CALN1: variants seen among roughly 807,000 people sequenced by gnomAD.
CALN1 encodes the protein calneuron 1, also known as calcium-binding protein 8.
In CALN1, 17 loss-of-function variants were observed where a neutral mutation model predicts 30.6. That is an observed-to-expected ratio of 0.56 (90% CI 0.38 to 0.83). The LOEUF is 0.83. CALN1 is among the 40% of genes least tolerant of loss of function. CALN1 has a pLI of 0.00. For missense variants in CALN1, 291 were observed against 354.9 expected, an observed-to-expected ratio of 0.82 and a Z score of 1.45; for synonymous variants, 156 against 131.4, an observed-to-expected ratio of 1.19 and a Z score of -1.28.
intron 2 of CALN1, among the ~76,000 whole-genome samples, chr7:72,375,205 G>C (rs1004253761): frequency 6.6e-6 from 1 of 151,968 alleles, no homozygotes; most frequent in African/African-American, 2.4e-5. Flanking sequence ...CTTTTCTCAC[G>C]GTCTCAAAAA....
intron 3 of CALN1, among the ~76,000 whole-genome samples, chr7:72,189,908 A>C (rs1161236404): frequency 6.6e-6 from 1 of 152,178 alleles, no homozygotes; most frequent in Non-Finnish European, 1.5e-5. Context: ...TTGAATGCAT[A>C]TAGCCGAATT....
At chr7:72,050,198 TG>T in intron 4 of CALN1, among the ~76,000 whole-genome samples, 1 of 152,284 alleles carries the variant, frequency 6.6e-6, no homozygotes, top group African/African-American at 2.4e-5. Flanking sequence ...TGTAAGATTA[TG>T]CCACTAATTG....
Position 71,855,732 on chromosome 7 carries a change from CTTACT to C in CALN1, c.502-45245_502-45241del, listed in dbSNP as rs554944922. Reference sequence around the variant, plus strand: ...GACTCTGGTGCTGGCTACCCTATACCTTACTTATTTCCTATGCCTTCTCCAAGCCT... The same window carrying C: ...GACTCTGGTGCTGGCTACCCTATACCTATTTCCTATGCCTTCTCCAAGCCT... On this transcript the variant is annotated intron_variant, in intron 5 of 6. Transcript: ENST00000395275. 3.0e-3 allele frequency among the ~76,000 whole-genome samples: 461 copies of C among 152,224 alleles called. 1 individual carries two copies. Among genetic ancestry groups the C allele is most frequent in the African/African-American group, 0.01 (432 of 41,508 alleles).
chr7:71,884,696 A>G (rs1296396547), intron 5 of CALN1, among the ~76,000 whole-genome samples: 1 of 152,160 alleles, frequency 6.6e-6, no homozygotes, highest in Non-Finnish European at 1.5e-5. Flanking sequence ...ATTTAAACTT[A>G]TATATCATGA....
intron 1 of CALN1, among the ~76,000 whole-genome samples, chr7:72,408,370 G>A (rs552895316): frequency 1.0e-3 from 156 of 152,040 alleles, no homozygotes; most frequent in Non-Finnish European, 1.9e-3. Context: ...ACTTGAACCC[G>A]GGAGGTGGAG....
Position 72,027,818 on chromosome 7 carries a change from G to A in CALN1, c.389-4049C>T, listed in dbSNP as rs1431685379. On this transcript the variant is annotated intron_variant, in intron 4 of 6. Coordinates refer to ENST00000395275, the MANE Select transcript of CALN1 (RefSeq NM_031468.4). ...CACGCCTGTAATCCCAGCACTTTGGGAGGCCGAGGTGGGCGGATCACGAGG... is the reference window on the plus strand; with the variant it reads ...CACGCCTGTAATCCCAGCACTTTGGAAGGCCGAGGTGGGCGGATCACGAGG... Among the ~76,000 whole-genome samples the A allele has an allele frequency of 2.0e-5, 3 of 151,970 alleles. No homozygotes were observed. In the East Asian group the frequency reaches 5.8e-4, roughly 30 times the overall value.
intron 1 of CALN1, among the ~76,000 whole-genome samples, chr7:72,430,031 G>C (rs1807923421): frequency 6.6e-6 from 1 of 150,972 alleles, no homozygotes; most frequent in Non-Finnish European, 1.5e-5. Flanking sequence ...TTGTTGGCCA[G>C]GCTGGTCTCA....
At chr7:72,308,365 G>GGGT (rs1554362826) in intron 2 of CALN1, among the ~76,000 whole-genome samples, 2 of 58,418 alleles carry the variant, frequency 3.4e-5, no homozygotes, top group Non-Finnish European at 7.7e-5. Context: ...TGCTGTCTGT[G>GGGT]GGGGGGGGAG....
chr7:72,225,089 G>C (rs1313975928), intron 3 of CALN1, among the ~76,000 whole-genome samples: 1 of 150,190 alleles, frequency 6.7e-6, no homozygotes, highest in South Asian at 2.1e-4. Context: ...GTGACACAGC[G>C]AGACTCCATC....
At chr7:72,057,618 A>G (rs1265817065) in intron 4 of CALN1, among the ~76,000 whole-genome samples, 1 of 152,098 alleles carries the variant, frequency 6.6e-6, no homozygotes, top group East Asian at 1.9e-4. Flanking sequence ...AATAAACAAA[A>G]TAATTAAAAT....
rs565014277 is a variant in CALN1, at chr7:71,996,472, A to G, written c.501+27185T>C. 1.9e-3 allele frequency among the ~76,000 whole-genome samples: 295 copies of G among 152,324 alleles called. 2 individuals are homozygous for G. Among genetic ancestry groups the G allele is most frequent in the African/African-American group, 6.9e-3 (287 of 41,574 alleles). ...TGTTCAGCTCCCACCTATAAGTGAG[A>G]ACATGTGGTGTTTGGTTTTCTGTAC... On this transcript the variant is annotated intron_variant, in intron 5 of 6. Coordinates refer to ENST00000395275, the MANE Select transcript of CALN1 (RefSeq NM_031468.4).
At chr7:72,453,306 GGA>G in the CALN1 span, among the ~76,000 whole-genome samples, 2 of 152,222 alleles carry the variant, frequency 1.3e-5, no homozygotes, top group Non-Finnish European at 2.9e-5. Flanking sequence ...CACAGTGTGT[GGA>G]GAGTATCAGC....
intron 2 of CALN1, among the ~76,000 whole-genome samples, chr7:72,354,756 G>T (rs1803124814): frequency 6.6e-6 from 1 of 152,066 alleles, no homozygotes; most frequent in Non-Finnish European, 1.5e-5. Context: ...GGAAATAAAT[G>T]AACTTTGATA....
At chr7:71,877,725 T>C (rs1366729341) in intron 5 of CALN1, among the ~76,000 whole-genome samples, 3 of 152,202 alleles carry the variant, frequency 2.0e-5, no homozygotes, top group Admixed American at 6.5e-5. Flanking sequence ...TATCCTAATG[T>C]TAATATATAA....
intron 3 of CALN1, among the ~76,000 whole-genome samples, chr7:72,122,569 T>G (rs1808471523): frequency 6.6e-6 from 1 of 151,910 alleles, no homozygotes. Context: ...TATGAGAAAT[T>G]TAAAAAATTA....
At chr7:72,295,766 G>A (rs1160211114) in intron 2 of CALN1, among the ~76,000 whole-genome samples, 3 of 151,560 alleles carry the variant, frequency 2.0e-5, no homozygotes, top group Admixed American at 1.3e-4. Context: ...ATTTTGGGCT[G>A]AGACAATGGG....
intron 2 of CALN1, among the ~76,000 whole-genome samples, chr7:72,402,558 T>C (rs1806413240): frequency 6.6e-6 from 1 of 152,170 alleles, no homozygotes; most frequent in Admixed American, 6.5e-5. Context: ...ATCAAAATTG[T>C]GTTCTATACC....
At position 71,787,417 on chromosome 7, in the gene CALN1, T is replaced by C. The variant is rs1263107181; in HGVS notation, c.*358A>G. On this transcript the variant is annotated 3_prime_UTR_variant, in exon 7 of 7. Transcript: ENST00000395275. ...GGAGGTGACTGTGTGTTCATGCCTC[T>C]CTCTTGCTCTCTCACCATTATACCT... The C allele has an allele frequency of 4.7e-6, 1 of 210,742 alleles. No individual in the cohort carries two copies. Among genetic ancestry groups the C allele is most frequent in the Non-Finnish European group, 9.9e-6 (1 of 100,710 alleles). The allele number at this position is 210,742 out of a possible 1,614,324, so 13.1% of individuals were successfully genotyped here. A position where few individuals can be genotyped will look rare whatever the true frequency, so the allele number is the denominator to read the frequency against.
At chr7:72,124,739 CAAAG>C (rs960844021) in intron 3 of CALN1, among the ~76,000 whole-genome samples, 5 of 145,258 alleles carry the variant, frequency 3.4e-5, no homozygotes, top group South Asian at 2.2e-4. Context: ...AAAAAAGAAA[CAAAG>C]AAAAAAAAAC....
Sources: gnomAD v4.1 joint callset for allele counts (sites outside exome capture counted in the v4.1 genomes callset) on GRCh38, gnomAD v4.1.1 for gene constraint, MANE v1.5 for transcripts, NCBI Gene and HGNC (gene_info 2026-07-23, HGNC 2026-07-21) for gene names.